The following PRDM6 variants were observed in gnomAD, a reference collection of about 807,000 sequenced individuals.
PRDM6 encodes the protein PR/SET domain 6, also known as putative histone-lysine N-methyltransferase PRDM6.
In PRDM6, 25 loss-of-function variants were observed where a neutral mutation model predicts 60.8. That is an observed-to-expected ratio of 0.41 (90% CI 0.30 to 0.57). The LOEUF (loss-of-function observed/expected upper bound fraction) is 0.57, where lower values mean the gene tolerates loss of function less well. Among genes scored for constraint, PRDM6 ranks in the 20% least tolerant of loss-of-function variants. The pLI is 0.27. For synonymous variants in PRDM6, 407 were observed against 357.4 expected (o/e 1.14, Z -1.57); for missense variants, 839 against 821.3 (o/e 1.02, Z -0.26).
chr5:123,168,377 A>G (rs1765807413), intron 5 of PRDM6, among the ~76,000 whole-genome samples: 1 of 152,162 alleles, frequency 6.6e-6, no homozygotes, highest in Non-Finnish European at 1.5e-5. Context: ...CAGAGATGCT[A>G]TGAATGTATG....
intron 5 of PRDM6, among the ~76,000 whole-genome samples, chr5:123,163,381 G>A (rs1437259909): frequency 6.6e-6 from 1 of 152,172 alleles, no homozygotes; most frequent in Non-Finnish European, 1.5e-5. Context: ...TATCGAGAGT[G>A]TGCGGTGGGT....
At chr5:123,135,603 C>T (rs768960749) in intron 3 of PRDM6, among the ~76,000 whole-genome samples, 2 of 152,116 alleles carry the variant, frequency 1.3e-5, no homozygotes, top group Non-Finnish European at 2.9e-5. Flanking sequence ...CCCTCCACCC[C>T]CTGCAACTCC....
At chr5:123,170,629 G>A in intron 5 of PRDM6, 137 bp from the exon 6 acceptor site, 1 of 676,062 alleles carries the variant, frequency 1.5e-6, no homozygotes. Flanking sequence ...AAATCAGATG[G>A]TTTGTTATGT....
chr5:123,173,564 T>G (rs958747316), intron 6 of PRDM6: 6 of 167,238 alleles, frequency 3.6e-5, no homozygotes, highest in Non-Finnish European at 7.3e-5. Context: ...CCCTGCAGTT[T>G]GTTGGTAAAG....
Position 123,191,881 on chromosome 5 carries a change from C to A in PRDM6, c.*4680C>A, listed in dbSNP as rs1414845114. 1 of 152,158 alleles carries A rather than the reference C, an allele frequency of 6.6e-6. No homozygotes were observed. Among genetic ancestry groups the A allele is most frequent in the Non-Finnish European group, 1.5e-5 (1 of 68,030 alleles). 9.4% of individuals were successfully genotyped at this position (152,158 alleles called of 1,614,324 possible). ...AAGAATATTGCTTTATCTGTGGAAA[C>A]CTTGCCACAGATGTTTAACCTGTAG... is the stretch of plus-strand genomic sequence containing the variant. On this transcript the variant is annotated 3_prime_UTR_variant, in exon 8 of 8. Coordinates refer to ENST00000407847, the MANE Select transcript of PRDM6 (RefSeq NM_001136239.4).
intron 5 of PRDM6, among the ~76,000 whole-genome samples, chr5:123,164,910 C>T (rs1299578832): frequency 2.6e-5 from 4 of 152,118 alleles, no homozygotes; most frequent in Non-Finnish European, 1.5e-5. Flanking sequence ...TGACCAATGA[C>T]TGGTCAATGT....
At chr5:123,166,058 T>C (rs1765744963) in intron 5 of PRDM6, among the ~76,000 whole-genome samples, 1 of 152,166 alleles carries the variant, frequency 6.6e-6, no homozygotes, top group Non-Finnish European at 1.5e-5. Context: ...CCCACCATCC[T>C]CTGTTGTGTT....
intron 3 of PRDM6, among the ~76,000 whole-genome samples, chr5:123,110,016 A>G (rs909925392): frequency 1.3e-5 from 2 of 152,200 alleles, no homozygotes; most frequent in African/African-American, 4.8e-5. Context: ...ACATAGTGGC[A>G]TATTTGGCAC....
chr5:123,119,240 T>C (rs1410124590), intron 3 of PRDM6, among the ~76,000 whole-genome samples: 1 of 152,020 alleles, frequency 6.6e-6, no homozygotes, highest in Admixed American at 6.6e-5. Context: ...GGAATGCAAA[T>C]GTTTAAATGA....
intron 3 of PRDM6, among the ~76,000 whole-genome samples, chr5:123,138,075 C>T (rs1273454594): frequency 6.6e-6 from 1 of 152,126 alleles, no homozygotes; most frequent in East Asian, 1.9e-4. Context: ...ATGTGACAGC[C>T]CACATGGTTT....
chr5:123,174,517 G>A (rs1245491637), intron 6 of PRDM6, among the ~76,000 whole-genome samples: 2 of 152,220 alleles, frequency 1.3e-5, no homozygotes, highest in Non-Finnish European at 2.9e-5. Context: ...GTCCAAATTT[G>A]AAACAGGCCC....
At chr5:123,111,617 G>C (rs1294459346) in intron 3 of PRDM6, among the ~76,000 whole-genome samples, 1 of 151,994 alleles carries the variant, frequency 6.6e-6, no homozygotes, top group African/African-American at 2.4e-5. Context: ...AGAATGGCGT[G>C]AACCCGGGGG....
rs553802482 is a variant in PRDM6, at chr5:123,187,333, G to A, written c.*132G>A. 1.8e-5 allele frequency: 11 copies of A among 620,274 alleles called. No homozygotes were observed. The highest frequency in any genetic ancestry group is 2.6e-4 in the Middle Eastern group (1 of 3,812). 38.4% of individuals were successfully genotyped at this position (620,274 alleles called of 1,614,324 possible). A position where few individuals can be genotyped will look rare whatever the true frequency, so the allele number is the denominator to read the frequency against. ...AAAACCAAAAGCAGTAATAAAATAAGTAAGATGTTAAGAGATATTGATCCT... is the reference window on the plus strand; with the variant it reads ...AAAACCAAAAGCAGTAATAAAATAAATAAGATGTTAAGAGATATTGATCCT... On this transcript the variant is annotated 3_prime_UTR_variant, in exon 8 of 8. Transcript: ENST00000407847.
At chr5:123,129,706 G>A (rs181177546) in intron 3 of PRDM6, among the ~76,000 whole-genome samples, 131 of 152,226 alleles carry the variant, frequency 8.6e-4, no homozygotes, top group Non-Finnish European at 1.1e-3. Flanking sequence ...AACACCTTGC[G>A]TTGTAAACAA....
At chr5:123,127,555 T>C (rs986644588) in intron 3 of PRDM6, among the ~76,000 whole-genome samples, 2 of 152,216 alleles carry the variant, frequency 1.3e-5, no homozygotes, top group African/African-American at 4.8e-5. Context: ...GTTGTGAGAC[T>C]TAATCCCATT....
At chr5:123,129,272 TTAAAG>T (rs1764765620) in intron 3 of PRDM6, among the ~76,000 whole-genome samples, 1 of 152,230 alleles carries the variant, frequency 6.6e-6, no homozygotes, top group Non-Finnish European at 1.5e-5. Context: ...CATATGAACT[TTAAAG>T]TAGTTTTCTA....
chr5:123,157,574 T>C (rs1765531612), intron 4 of PRDM6, among the ~76,000 whole-genome samples: 1 of 152,192 alleles, frequency 6.6e-6, no homozygotes, highest in South Asian at 2.1e-4. Flanking sequence ...TCTGCCGATC[T>C]GTTTTCGATT....
rs973551470 is a variant in PRDM6 at position 123,099,002 on chromosome 5, A to C, written c.593-652A>C. Among the ~76,000 whole-genome samples the C allele has an allele frequency of 6.6e-6, 1 of 150,890 alleles. No homozygotes were observed. Among genetic ancestry groups the C allele is most frequent in the African/African-American group, 2.4e-5 (1 of 40,842 alleles). ...GTGGCGTTTGGGAGGCAGTCGAGGAAGCCTCCGAGTCTCTGGGTCGAAGGA... is the reference window on the plus strand; with the variant it reads ...GTGGCGTTTGGGAGGCAGTCGAGGACGCCTCCGAGTCTCTGGGTCGAAGGA... On this transcript the variant is annotated intron_variant, in intron 2 of 7. Coordinates refer to ENST00000407847, the MANE Select transcript of PRDM6 (RefSeq NM_001136239.4). This position sits in a 1 kb window ranked among gnomAD's most constrained non-coding sequence, Gnocchi z 4.0.
Position 123,090,530 on chromosome 5 carries a change from G to A in PRDM6, c.516G>A (p.Glu172=), listed in dbSNP as rs764532823. 2 of 1,515,158 alleles carry A rather than the reference G, an allele frequency of 1.3e-6. No individual in the cohort carries two copies. Among genetic ancestry groups the A allele is most frequent in the Non-Finnish European group, 1.8e-6 (2 of 1,139,798 alleles). The allele number at this position is 1,515,158 out of a possible 1,614,324, so 93.9% of individuals were successfully genotyped here. ...CGCGCTTCCGCTGCAGCGCAGAGGA[G>A]CTGGACTATTACCTGTATGGCCAGC... The part of the protein sequence containing the change: ...GAPRFRCSAE[E]LDYYLYGQQR... The change falls in exon 2 of 8, where the codon GAG becomes GAA. Residue 172 remains glutamate, a synonymous_variant. Coordinates refer to ENST00000407847, the MANE Select transcript of PRDM6 (RefSeq NM_001136239.4).
Sources: gnomAD v4.1 joint callset for allele counts (sites outside exome capture counted in the v4.1 genomes callset) on GRCh38, gnomAD v4.1.1 for gene constraint, Gnocchi (gnomAD v3.1) non-coding constraint, MANE v1.5 for transcripts, NCBI Gene and HGNC (gene_info 2026-07-23, HGNC 2026-07-21) for gene names.